PRR5: variants seen among roughly 807,000 people sequenced by gnomAD.
The protein encoded by PRR5 is proline rich 5, also known as proline-rich protein 5.
PRR5 carries 25 observed loss-of-function variants against 30.6 expected under a neutral mutation model. The observed-to-expected ratio is 0.82, with a 90% CI of 0.60 to 1.14. The LOEUF (loss-of-function observed/expected upper bound fraction) is 1.14. Ranked by LOEUF, PRR5 falls within the 50% of genes most tolerant of loss-of-function variation. The probability of loss-of-function intolerance (pLI) is 0.00; values close to 1 mark genes in which losing one functional copy is unlikely to be tolerated. For synonymous variants in PRR5, 286 were observed against 247.1 expected (o/e 1.16, Z -1.48); for missense variants, 600 against 547.1 (o/e 1.10, Z -0.96).
intron 2 of PRR5, among the ~76,000 whole-genome samples, chr22:44,719,415 T>C (rs567635781): frequency 6.6e-6 from 1 of 152,354 alleles, no homozygotes; most frequent in South Asian, 2.1e-4. Flanking sequence ...TCACTCTCTG[T>C]CCAGAGGGCT....
At chr22:44,725,398 T>G (rs1337936818) in intron 3 of PRR5, 106 bp downstream of exon 3, 4 of 1,512,212 alleles carry the variant, frequency 2.6e-6, no homozygotes, top group Non-Finnish European at 3.6e-6. Flanking sequence ...TCCCCCACTG[T>G]CTGCCTGCAG....
In PRR5 at chr22:44,737,074, G is replaced by A; in HGVS notation, c.994G>A (p.Gly332Ser). 1 of 1,611,022 alleles carries A rather than the reference G, an allele frequency of 6.2e-7. No homozygotes were observed. The highest frequency in any genetic ancestry group is 8.5e-7 in the Non-Finnish European group (1 of 1,179,710). ...CCCCACGACCCAGCCCCCTGAGCAG[G>A]GCTTGGATCCCACCCGCAGCTCCCT... ...LYPTTQPPEQ[G>S]LDPTRSSLPR... Residue 332 changes from glycine (G) to serine (S), a missense_variant, in exon 8 of 8, where the codon GGC becomes AGC. By Grantham distance (56) the Gly-to-Ser change is moderately conservative. Transcript: ENST00000336985.
chr22:44,737,382 C>G lies in PRR5; in HGVS notation c.*135C>G. 1.4e-6 allele frequency: 2 copies of G among 1,405,220 alleles called. No homozygotes were observed. Among genetic ancestry groups the G allele is most frequent in the Non-Finnish European group, 1.9e-6 (2 of 1,072,422 alleles). The allele number at this position is 1,405,220 out of a possible 1,614,324, so 87.0% of individuals were successfully genotyped here. ...TATCGGCCTCGTCACTGGCCTTGGTCACTTTGTATTTCTGTCTTGGTTGGA... is the reference window on the plus strand; with the variant it reads ...TATCGGCCTCGTCACTGGCCTTGGTGACTTTGTATTTCTGTCTTGGTTGGA... On this transcript the variant is annotated 3_prime_UTR_variant, in exon 8 of 8. Coordinates refer to ENST00000336985, the MANE Select transcript of PRR5 (RefSeq NM_181333.4).
intron 1 of PRR5, among the ~76,000 whole-genome samples, chr22:44,696,973 G>A (rs903591023): frequency 4.6e-5 from 7 of 152,130 alleles, no homozygotes; most frequent in African/African-American, 1.7e-4. Flanking sequence ...CTGACCTCAG[G>A]TGATCCACTG....
At chr22:44,700,054 G>A (rs777656853), upstream of PRR5, among the ~76,000 whole-genome samples, 7 of 152,086 alleles carry the variant, frequency 4.6e-5, no homozygotes, top group Non-Finnish European at 1.0e-4. Context: ...AGTAGTTCAT[G>A]CCTGTAATCC....
chr22:44,675,106 C>T (rs543950140), upstream of PRR5, among the ~76,000 whole-genome samples: 14 of 150,122 alleles, frequency 9.3e-5, no homozygotes, highest in South Asian at 2.1e-4. Context: ...AAAAATTAGC[C>T]GGGCGTGGTG....
chr22:44,683,324 G>A (rs954915979), intron 1 of PRR5, among the ~76,000 whole-genome samples: 14 of 152,194 alleles, frequency 9.2e-5, no homozygotes, highest in African/African-American at 3.1e-4. Context: ...CTTGGGGAGC[G>A]ACAGAGTTTG....
intron 1 of PRR5, among the ~76,000 whole-genome samples, chr22:44,707,087 A>C (rs904876372): frequency 6.6e-6 from 1 of 151,964 alleles, no homozygotes; most frequent in Non-Finnish European, 1.5e-5. Flanking sequence ...TGGCACCCCC[A>C]TCCTTATCCC....
chr22:44,674,382 C>G (rs1000246495), upstream of PRR5, among the ~76,000 whole-genome samples: 1 of 151,520 alleles, frequency 6.6e-6, no homozygotes, highest in Admixed American at 6.6e-5. Context: ...ATGCCTGTAA[C>G]CCCAGCACTT....
chr22:44,729,359 G>C, intron 4 of PRR5: 3 of 985,320 alleles, frequency 3.0e-6, no homozygotes, highest in Non-Finnish European at 3.6e-6. Context: ...AGGAAAGACG[G>C]ACACCAGCCT....
rs16992718 is a variant in PRR5, at chr22:44,729,577, T to G, written c.323-2153T>G. The G allele has an allele frequency of 5.6e-3, 5,469 of 985,386 alleles. 219 individuals are homozygous for G. In the African/African-American group the frequency reaches 0.084, roughly 15 times the overall value. The allele number at this position is 985,386 out of a possible 1,614,324, so 61.0% of individuals were successfully genotyped here. ...ACGTGGGGACGTGTATCACGCCCCTTTCATAGAGGATGCCACTGAGTCCGC... is the reference window on the plus strand; with the variant it reads ...ACGTGGGGACGTGTATCACGCCCCTGTCATAGAGGATGCCACTGAGTCCGC... On this transcript the variant is annotated intron_variant, in intron 4 of 7. Coordinates refer to ENST00000336985, the MANE Select transcript of PRR5 (RefSeq NM_181333.4).
At chr22:44,693,484 G>A in intron 1 of PRR5, among the ~76,000 whole-genome samples, 1 of 150,516 alleles carries the variant, frequency 6.6e-6, no homozygotes, top group Non-Finnish European at 1.5e-5. Flanking sequence ...GCAGAGCCAA[G>A]AATCCTTCAG....
chr22:44,732,865 TACTACAC>T (rs1384566473), intron 6 of PRR5, among the ~76,000 whole-genome samples: 13 of 123,686 alleles, frequency 1.1e-4, no homozygotes, highest in African/African-American at 2.9e-4. Context: ...CACACGCACA[TACTACAC>T]ACTGCACACA....
At chr22:44,709,657 G>T (rs1324147841) in intron 1 of PRR5, among the ~76,000 whole-genome samples, 2 of 152,142 alleles carry the variant, frequency 1.3e-5, no homozygotes, top group Admixed American at 6.6e-5. Flanking sequence ...TTCGAGATCA[G>T]CCTGGCCAAC....
chr22:44,671,476 G>A (rs766467638), intron 1 of PRR5, among the ~76,000 whole-genome samples: 9 of 152,120 alleles, frequency 5.9e-5, no homozygotes, highest in African/African-American at 1.7e-4. Flanking sequence ...CCTCCGTCTC[G>A]GAGAGCAGCC....
intron 1 of PRR5, among the ~76,000 whole-genome samples, chr22:44,697,054 G>C (rs188296620): frequency 1.2e-3 from 178 of 152,284 alleles, no homozygotes; most frequent in Middle Eastern, 3.4e-3. Flanking sequence ...GAACATATCA[G>C]ATGGCAGAGC....
chr22:44,701,606 G>C (rs1455115190), upstream of PRR5, among the ~76,000 whole-genome samples: 1 of 152,210 alleles, frequency 6.6e-6, no homozygotes. Context: ...GAGACCTGGG[G>C]GTGGGAGATA....
chr22:44,673,866 C>G (rs1923562215), upstream of PRR5, among the ~76,000 whole-genome samples: 1 of 152,102 alleles, frequency 6.6e-6, no homozygotes, highest in Non-Finnish European at 1.5e-5. Context: ...ACAGGCCAAA[C>G]CTGAGGCTGA....
upstream of PRR5, among the ~76,000 whole-genome samples, chr22:44,672,312 C>T (rs1040457125): frequency 2.0e-5 from 3 of 152,130 alleles, no homozygotes; most frequent in South Asian, 2.1e-4. Context: ...TGGCCGGGCA[C>T]GGTGGCTCAT....
Sources: allele counts gnomAD v4.1 joint callset (sites outside exome capture counted in the v4.1 genomes callset), GRCh38; gene constraint gnomAD v4.1.1; transcripts MANE v1.5; gene names NCBI Gene and HGNC (gene_info 2026-07-23, HGNC 2026-07-21).